DHX32: variants seen among roughly 807,000 people sequenced by gnomAD.
DHX32 encodes putative pre-mRNA-splicing factor ATP-dependent RNA helicase DHX32.
A neutral mutation model predicts 70.0 loss-of-function variants in DHX32; 51 were observed. The observed-to-expected ratio is 0.73, with a 90% CI of 0.58 to 0.92. DHX32 has a LOEUF of 0.92. Among genes scored for constraint, DHX32 ranks in the 40% least tolerant of loss-of-function variants. The pLI, the probability that DHX32 is intolerant of heterozygous loss-of-function variation, is 0.00. For synonymous variants in DHX32, 310 were observed against 315.3 expected (o/e 0.98, Z 0.18); for missense variants, 762 against 891.8 (o/e 0.85, Z 1.85).
In DHX32 at chr10:125,852,336, T is replaced by C; in HGVS notation, c.1308A>G (p.Ile436Met). 2.5e-6 allele frequency: 4 copies of C among 1,614,224 alleles called. No individual in the cohort carries two copies. Among genetic ancestry groups the C allele is most frequent in the Non-Finnish European group, 3.4e-6 (4 of 1,180,040 alleles). ...LTSMVLFMKR[I>M]DIAGLGHCDF... ...CACAGTGGCCTAGGCCCGCAATGTC[T>C]ATCCTCTTCATAAAAAGCACCATGC... is the stretch of plus-strand genomic sequence containing the variant. Residue 436 changes from isoleucine (I) to methionine (M), a missense_variant, in exon 6 of 11, where the codon ATA becomes ATG. Physicochemically the swap from Ile to Met is conservative, Grantham distance 10. Around this residue, in one of 3 missense-constraint regions of DHX32, gnomAD observed 366 missense variants for 402.6 expected, o/e 0.91. Coordinates refer to ENST00000284690, the MANE Select transcript of DHX32 (RefSeq NM_018180.3).
chr10:125,855,563 C>T (rs1416117529), intron 3 of DHX32, among the ~76,000 whole-genome samples: 1 of 151,498 alleles, frequency 6.6e-6, no homozygotes, highest in Non-Finnish European at 1.5e-5. Flanking sequence ...ATTCTCCTGC[C>T]TCAGCCTCCC....
At chr10:125,879,231 C>G (rs897767429) in intron 1 of DHX32, among the ~76,000 whole-genome samples, 1 of 151,410 alleles carries the variant, frequency 6.6e-6, no homozygotes, top group African/African-American at 2.4e-5. Context: ...GCCATGTTGC[C>G]CAGCCTGGTC....
rs1854794109 is a variant in DHX32 at position 125,839,136 on chromosome 10, T to C, written c.1746A>G (p.Arg582=). ...GTTCAGCTCGAATAACATCTGCCAT[T>C]CTGAGTGCTGAACAGTTGAGGAAGT... ...RDYFLNCSAL[R]MADVIRAELL... The change falls in exon 9 of 11, where the codon AGA becomes AGG. Residue 582 remains arginine, a synonymous_variant. Coordinates refer to ENST00000284690, the MANE Select transcript of DHX32 (RefSeq NM_018180.3). 1 of 1,614,254 alleles carries C rather than the reference T, an allele frequency of 6.2e-7. No individual in the cohort carries two copies. Among genetic ancestry groups the C allele is most frequent in the African/African-American group, 1.3e-5 (1 of 75,070 alleles).
At chr10:125,891,220 C>T (rs1190312180) in intron 1 of DHX32, among the ~76,000 whole-genome samples, 1 of 152,138 alleles carries the variant, frequency 6.6e-6, no homozygotes, top group African/African-American at 2.4e-5. Context: ...AGTCTAGTGA[C>T]ACATCTGAGA....
At chr10:125,841,187 T>TTG (rs34263964) in intron 7 of DHX32, 191 bp from the exon 8 acceptor site, 437,442 of 1,389,360 alleles carry the variant, frequency 0.31, 66,279 homozygotes, top group East Asian at 0.48. Flanking sequence ...CCCTCTCCTT[T>TTG]TGTGTGTGTG....
rs917709466 is a variant in DHX32, at chr10:125,836,803, T to G, written c.2116A>C (p.Ser706Arg). The G allele has an allele frequency of 3.7e-6, 6 of 1,614,052 alleles. No individual in the cohort carries two copies. The highest frequency in any genetic ancestry group is 4.2e-6 in the Non-Finnish European group (5 of 1,180,014). ...ACTACTTGCTGTAGAATGTCCTTAC[T>G]TTCACTAGGAGGCAGATTACTGAAA... is the stretch of plus-strand genomic sequence containing the variant. ...YYFSNLPPSE[S>R]KDILQQVVDH... Residue 706 changes from serine (S) to arginine (R), a missense_variant, in exon 11 of 11, where the codon AGT (serine) becomes CGT (arginine). By Grantham distance (110) the Ser-to-Arg change is moderately radical. This residue lies in a region of DHX32 where 366 missense variants were observed against 402.6 expected (regional missense o/e 0.91). Transcript: ENST00000284690.
rs1031271369 is a variant in DHX32 at position 125,840,978 on chromosome 10, T to G, written c.1562A>C (p.His521Pro). The change falls in exon 8 of 11, where the codon CAT becomes CCT. Residue 521 changes from histidine to proline, a missense_variant. Transcript: ENST00000284690. ...AGCCTCTTCAGCTCCATGTGGCACA[T>G]GTGAAAAGCAATTTGGAGCTTCAAA... ...AMVTAPNCFSHVPHGAEEAAL... is the reference protein window; with the variant it reads ...AMVTAPNCFSPVPHGAEEAAL... 3 of 1,602,756 alleles carry G rather than the reference T, an allele frequency of 1.9e-6. No individual in the cohort carries two copies. Among genetic ancestry groups the G allele is most frequent in the Non-Finnish European group, 2.6e-6 (3 of 1,172,596 alleles).
At chr10:125,844,530 TAGAA>T (rs1317476461) in intron 6 of DHX32, among the ~76,000 whole-genome samples, 3 of 152,216 alleles carry the variant, frequency 2.0e-5, no homozygotes, top group African/African-American at 7.2e-5. Flanking sequence ...TTTATTATAT[TAGAA>T]AGAATGAGTT....
In DHX32 at chr10:125,872,416, T is replaced by C. The variant is rs148940846; in HGVS notation, c.283-5233A>G. On this transcript the variant is annotated intron_variant, in intron 1 of 10. Coordinates refer to ENST00000284690, the MANE Select transcript of DHX32 (RefSeq NM_018180.3). ...GGCTTTAACTTTTTTCAGAGAAACA[T>C]TGAATTCTGGGTCACTTTGTGACTG... Among the ~76,000 whole-genome samples the C allele has an allele frequency of 4.0e-4, 61 of 152,308 alleles. No individual in the cohort carries two copies. The East Asian group carries it at 8.1e-3, about 20-fold the overall frequency.
chr10:125,849,126 G>T (rs959245538), intron 6 of DHX32, among the ~76,000 whole-genome samples: 2 of 152,168 alleles, frequency 1.3e-5, no homozygotes, highest in African/African-American at 4.8e-5. Context: ...AGTTCACAGG[G>T]ACATGGTCAG....
intron 1 of DHX32, among the ~76,000 whole-genome samples, chr10:125,874,153 C>T (rs1038410935): frequency 6.6e-6 from 1 of 152,162 alleles, no homozygotes; most frequent in Non-Finnish European, 1.5e-5. Flanking sequence ...CAGGTGAAAT[C>T]TTTAGGACCT....
intron 1 of DHX32, among the ~76,000 whole-genome samples, chr10:125,888,351 C>T (rs78787143): frequency 5.4e-5 from 8 of 147,502 alleles, no homozygotes; most frequent in African/African-American, 1.8e-4. Context: ...TATAGGAACA[C>T]ACCACCATGC....
In DHX32 at chr10:125,866,992, C is replaced by T; in HGVS notation, c.474G>A (p.Leu158=). The T allele has an allele frequency of 6.2e-7, 1 of 1,612,452 alleles. No homozygotes were observed. The highest frequency in any genetic ancestry group is 1.1e-5 in the South Asian group (1 of 90,810). Residue 158 remains leucine, a splice_region_variant and synonymous_variant, in exon 2 of 11, where the codon CTG becomes CTA. Transcript: ENST00000284690. The surrounding 1 kb of genome is among the most constrained non-coding windows in gnomAD (Gnocchi z 4.8). ...CGGACTGAACCCCACAAACCAACCT[C>T]AGGATTGTTTCGTTGGTACAGCAGT... ...FENCCTNETI[L]RYCTDDMLQR... is the part of the protein sequence containing the mutation.
intron 6 of DHX32, among the ~76,000 whole-genome samples, chr10:125,849,544 C>T (rs1401479330): frequency 1.3e-5 from 2 of 152,096 alleles, no homozygotes; most frequent in African/African-American, 4.8e-5. Context: ...GTGTAACCTT[C>T]ATTAACTTAA....
At position 125,878,930 on chromosome 10, in the gene DHX32, G is replaced by A. The variant is rs142757296; in HGVS notation, c.282+1613C>T. Among the ~76,000 whole-genome samples, 232 of 148,494 alleles carry A rather than the reference G, an allele frequency of 1.6e-3. 3 individuals are homozygous for A. In the East Asian group the frequency reaches 0.023, roughly 15 times the overall value. ...TCACCATATTGGACAGGCTGGTCTC[G>A]AACTCCTGACTTCATGATCTGCCCG... On this transcript the variant is annotated intron_variant, in intron 1 of 10. Coordinates refer to ENST00000284690, the MANE Select transcript of DHX32 (RefSeq NM_018180.3).
intron 1 of DHX32, among the ~76,000 whole-genome samples, chr10:125,870,037 T>A (rs940719621): frequency 1.3e-5 from 2 of 152,108 alleles, no homozygotes; most frequent in Non-Finnish European, 2.9e-5. Context: ...TAACTTAAAA[T>A]ACTAATTATA....
intron 1 of DHX32, among the ~76,000 whole-genome samples, chr10:125,893,760 T>G (rs4550145): frequency 8.0e-6 from 1 of 125,660 alleles, no homozygotes; most frequent in Non-Finnish European, 1.7e-5. Flanking sequence ...AAAACAAAAA[T>G]CAACAAAAAC....
chr10:125,859,053 T>TTTG (rs1564827841), intron 3 of DHX32, among the ~76,000 whole-genome samples: 1 of 147,204 alleles, frequency 6.8e-6, no homozygotes, highest in Non-Finnish European at 1.5e-5. Flanking sequence ...TTGTTTTTTT[T>TTTG]TTTTTTTTTT....
At chr10:125,880,404 G>C (rs963027486) in intron 1 of DHX32, 139 bp downstream of exon 1, 6 of 879,022 alleles carry the variant, frequency 6.8e-6, no homozygotes, top group Non-Finnish European at 9.8e-6. Flanking sequence ...TTAGGTACGT[G>C]ATTTAATTAT....
Sources: allele counts gnomAD v4.1 joint callset (sites outside exome capture counted in the v4.1 genomes callset), GRCh38; gene constraint gnomAD v4.1.1; regional missense constraint gnomAD v4.1.1; non-coding constraint Gnocchi (gnomAD v3.1); transcripts MANE v1.5; gene names NCBI Gene and HGNC (gene_info 2026-07-23, HGNC 2026-07-21).